The following VSNL1 variants were observed in gnomAD, a reference collection of about 807,000 sequenced individuals.
The protein encoded by VSNL1 is visinin-like protein 1.
Under a neutral mutation model 20.4 loss-of-function variants are expected in VSNL1, and 6 were observed. The observed-to-expected ratio is 0.29, with a 90% CI of 0.16 to 0.58. The LOEUF is 0.58. Ranked by LOEUF, VSNL1 falls within the 20% of genes least tolerant of loss-of-function variation. The pLI is 0.90. For missense variants in VSNL1, 100 were observed against 234.5 expected (o/e 0.43, Z 3.75); for synonymous variants, 93 against 86.4 (o/e 1.08, Z -0.42).
chr2:17,570,245 A>G (rs751622586), intron 1 of VSNL1, among the ~76,000 whole-genome samples: 1 of 152,228 alleles, frequency 6.6e-6, no homozygotes, highest in South Asian at 2.1e-4. Context: ...TAAATCATTT[A>G]TGAGACTCCC....
intron 2 of VSNL1, among the ~76,000 whole-genome samples, chr2:17,592,472 C>G (rs918180505): frequency 6.6e-6 from 1 of 152,022 alleles, no homozygotes; most frequent in Non-Finnish European, 1.5e-5. Context: ...GAATAGAGCT[C>G]AAGGAATGAC....
chr2:17,632,340 G>A (rs1015656304), intron 2 of VSNL1, among the ~76,000 whole-genome samples: 11 of 150,080 alleles, frequency 7.3e-5, no homozygotes, highest in African/African-American at 2.2e-4. Context: ...TCTTGCTGTC[G>A]CCCAGGCTGG....
chr2:17,583,085 G>A (rs1360828402), intron 1 of VSNL1, among the ~76,000 whole-genome samples: 1 of 152,154 alleles, frequency 6.6e-6, no homozygotes, highest in Non-Finnish European at 1.5e-5. Context: ...CATGGTGAGT[G>A]CAAATGGCTC....
intron 2 of VSNL1, among the ~76,000 whole-genome samples, chr2:17,608,416 A>G (rs1558298344): frequency 6.6e-6 from 1 of 152,238 alleles, no homozygotes; most frequent in Non-Finnish European, 1.5e-5. Flanking sequence ...TCTCTTGCAG[A>G]CTTCAAAGCT....
intron 1 of VSNL1, among the ~76,000 whole-genome samples, chr2:17,587,390 CACACAT>C (rs937305000): frequency 2.7e-5 from 4 of 149,734 alleles, no homozygotes; most frequent in Non-Finnish European, 5.9e-5. Flanking sequence ...CACACACACA[CACACAT>C]ATATTTTGTT....
At chr2:17,561,977 T>A (rs1167208185) in intron 1 of VSNL1, among the ~76,000 whole-genome samples, 1 of 152,190 alleles carries the variant, frequency 6.6e-6, no homozygotes, top group Admixed American at 6.5e-5. Flanking sequence ...GTGACTCACA[T>A]CAAACTCTCA....
intron 2 of VSNL1, among the ~76,000 whole-genome samples, chr2:17,595,876 A>G (rs1408361913): frequency 1.3e-5 from 2 of 152,214 alleles, no homozygotes; most frequent in Non-Finnish European, 1.5e-5. Flanking sequence ...TATTTACTTT[A>G]GAATCTTTTG....
intron 2 of VSNL1, among the ~76,000 whole-genome samples, chr2:17,620,603 G>T (rs1388807688): frequency 1.3e-5 from 2 of 152,190 alleles, no homozygotes; most frequent in Admixed American, 6.5e-5. Context: ...ACAGTAGAAT[G>T]CAGTCATCAC....
chr2:17,573,587 A>G (rs1381499149), intron 1 of VSNL1, among the ~76,000 whole-genome samples: 1 of 152,218 alleles, frequency 6.6e-6, no homozygotes, highest in African/African-American at 2.4e-5. Context: ...GCTGACTCAT[A>G]AATTTCAGAC....
At chr2:17,630,603 AAAG>A (rs748806240) in intron 2 of VSNL1, among the ~76,000 whole-genome samples, 1 of 152,186 alleles carries the variant, frequency 6.6e-6, no homozygotes, top group Non-Finnish European at 1.5e-5. Context: ...TTCAATAATA[AAAG>A]AAGAAGAGAG....
chr2:17,652,440 T>C (rs1179005073), intron 3 of VSNL1, among the ~76,000 whole-genome samples: 1 of 152,184 alleles, frequency 6.6e-6, no homozygotes, highest in Admixed American at 6.5e-5. Flanking sequence ...ACAATTGGAA[T>C]TGGAAACCTG....
intron 1 of VSNL1, among the ~76,000 whole-genome samples, chr2:17,543,256 G>A (rs528745122): frequency 7.9e-5 from 12 of 152,210 alleles, no homozygotes; most frequent in African/African-American, 2.6e-4. Context: ...TGGAATCCTT[G>A]GCGTTTGCCG....
At chr2:17,593,202 T>G (rs1179254816) in intron 2 of VSNL1, among the ~76,000 whole-genome samples, 1 of 152,204 alleles carries the variant, frequency 6.6e-6, no homozygotes. Flanking sequence ...ATTCCATTCT[T>G]GTACTGTACA....
At chr2:17,569,463 A>G (rs1326739236) in intron 1 of VSNL1, among the ~76,000 whole-genome samples, 3 of 152,052 alleles carry the variant, frequency 2.0e-5, no homozygotes, top group Non-Finnish European at 2.9e-5. Flanking sequence ...GAAAAACTCC[A>G]TGGTTTAATT....
chr2:17,550,402 G>C (rs1422660914), intron 1 of VSNL1, among the ~76,000 whole-genome samples: 1 of 152,114 alleles, frequency 6.6e-6, no homozygotes. Context: ...GTTTAAATTT[G>C]CCTCTGGATT....
At chr2:17,593,839 T>C (rs1360088873) in intron 2 of VSNL1, among the ~76,000 whole-genome samples, 2 of 152,200 alleles carry the variant, frequency 1.3e-5, no homozygotes, top group Admixed American at 1.3e-4. Context: ...CTCCCTAGTT[T>C]TCAATGTCAT....
chr2:17,616,978 G>T (rs1011261884), intron 2 of VSNL1, among the ~76,000 whole-genome samples: 1 of 152,160 alleles, frequency 6.6e-6, no homozygotes, highest in Non-Finnish European at 1.5e-5. Context: ...CTCGTCCCTT[G>T]GGGGGTTGGC....
At position 17,649,348 on chromosome 2, in the gene VSNL1, C is replaced by T; in HGVS notation, c.163-62C>T. 2.0e-6 allele frequency: 3 copies of T among 1,535,832 alleles called. No individual in the cohort carries two copies. The highest frequency in any genetic ancestry group is 2.7e-6 in the Non-Finnish European group (3 of 1,110,542). ...CACCTGTGATGCCGTCATTAGGAACCTACCTCGTCGCCCCGATTCCATCCC... is the reference window on the plus strand; with the variant it reads ...CACCTGTGATGCCGTCATTAGGAACTTACCTCGTCGCCCCGATTCCATCCC... On this transcript the variant is annotated intron_variant, in intron 2 of 3. Transcript: ENST00000295156. This position sits in a 1 kb window ranked among gnomAD's most constrained non-coding sequence, Gnocchi z 6.4.
chr2:17,585,598 G>T (rs1428329733), intron 1 of VSNL1, among the ~76,000 whole-genome samples: 1 of 151,432 alleles, frequency 6.6e-6, no homozygotes, highest in Non-Finnish European at 1.5e-5. Flanking sequence ...ATGCTGTGGG[G>T]GTGGGGAGTG....
Sources: gnomAD v4.1 joint callset for allele counts (sites outside exome capture counted in the v4.1 genomes callset) on GRCh38, gnomAD v4.1.1 for gene constraint, Gnocchi (gnomAD v3.1) non-coding constraint, MANE v1.5 for transcripts, NCBI Gene and HGNC (gene_info 2026-07-23, HGNC 2026-07-21) for gene names.